Variants in ZDHHC14 observed in about 807,000 individuals in gnomAD.
The protein encoded by ZDHHC14 is zDHHC palmitoyltransferase 14, also known as palmitoyltransferase ZDHHC14.
ZDHHC14 carries 16 observed loss-of-function variants against 47.7 expected under a neutral mutation model. The ratio of observed to expected loss-of-function variants is 0.34; its 90% CI spans 0.23 to 0.51. ZDHHC14 has a LOEUF of 0.51. Among genes scored for constraint, ZDHHC14 ranks in the 20% least tolerant of loss-of-function variants. The pLI is 0.97. For missense variants in ZDHHC14, 515 were observed against 662.5 expected (o/e 0.78, Z 2.44); for synonymous variants, 293 against 278.9 (o/e 1.05, Z -0.50).
chr6:157,573,434 A>C (rs1356145623), intron 2 of ZDHHC14, among the ~76,000 whole-genome samples: 2 of 152,188 alleles, frequency 1.3e-5, no homozygotes, highest in African/African-American at 4.8e-5. Context: ...AGTAGAAAAA[A>C]ATTTGCCCAG....
chr6:157,441,593 C>T (rs1235268818), intron 1 of ZDHHC14, among the ~76,000 whole-genome samples: 3 of 152,134 alleles, frequency 2.0e-5, no homozygotes, highest in African/African-American at 7.2e-5. Flanking sequence ...AATCCCAGCA[C>T]TTTGGGAGGC....
At chr6:157,640,189 G>A (rs1455216658) in intron 5 of ZDHHC14, among the ~76,000 whole-genome samples, 1 of 152,202 alleles carries the variant, frequency 6.6e-6, no homozygotes, top group Non-Finnish European at 1.5e-5. Flanking sequence ...ATGTAATGTA[G>A]CATTAACATC....
chr6:157,543,204 G>A (rs144438220), intron 2 of ZDHHC14, among the ~76,000 whole-genome samples: 1,875 of 152,146 alleles, frequency 0.012, 40 homozygotes, highest in African/African-American at 0.044. Context: ...CTTTATTTAG[G>A]TATAATAAAC....
intron 1 of ZDHHC14, among the ~76,000 whole-genome samples, chr6:157,458,425 T>C (rs1030086935): frequency 2.6e-5 from 4 of 152,210 alleles, no homozygotes; most frequent in African/African-American, 7.2e-5. Context: ...CATTGCTTGA[T>C]ATAATCACAG....
At chr6:157,617,542 C>T (rs1474847188) in intron 3 of ZDHHC14, among the ~76,000 whole-genome samples, 1 of 152,160 alleles carries the variant, frequency 6.6e-6, no homozygotes, top group Non-Finnish European at 1.5e-5. Flanking sequence ...ATCCCAGAAA[C>T]GTATTTACTT....
intron 3 of ZDHHC14, among the ~76,000 whole-genome samples, chr6:157,601,783 T>C (rs755935406): frequency 6.6e-6 from 1 of 152,226 alleles, no homozygotes; most frequent in Non-Finnish European, 1.5e-5. Context: ...TCTGTGTGTA[T>C]GTGCATGTGT....
At chr6:157,642,848 G>C (rs778155171) in intron 5 of ZDHHC14, among the ~76,000 whole-genome samples, 1 of 152,212 alleles carries the variant, frequency 6.6e-6, no homozygotes, top group African/African-American at 2.4e-5. Context: ...ATCTGTATCT[G>C]AGTCTGAGAG....
At chr6:157,393,513 C>T (rs367946408) in intron 1 of ZDHHC14, among the ~76,000 whole-genome samples, 151 of 152,302 alleles carry the variant, frequency 9.9e-4, no homozygotes, top group African/African-American at 3.5e-3. Context: ...TAAATACCAG[C>T]GTCTATTGGA....
At chr6:157,628,581 G>C (rs1785532841) in intron 4 of ZDHHC14, 95 bp downstream of exon 4, 1 of 1,497,662 alleles carries the variant, frequency 6.7e-7, no homozygotes, top group African/African-American at 1.4e-5. Context: ...GTCATTTCGG[G>C]CTTTCTCTTT....
At chr6:157,546,860 G>A (rs113901674) in intron 2 of ZDHHC14, among the ~76,000 whole-genome samples, 4,325 of 152,268 alleles carry the variant, frequency 0.028, 211 homozygotes, top group African/African-American at 0.099. Flanking sequence ...CTTCCCACCC[G>A]TTCCACCGTC....
intron 1 of ZDHHC14, among the ~76,000 whole-genome samples, chr6:157,387,491 A>G (rs1311062173): frequency 3.3e-5 from 5 of 152,152 alleles, no homozygotes; most frequent in African/African-American, 1.2e-4. Flanking sequence ...ATAGGGTCTC[A>G]TCGGTTTTTT....
At chr6:157,619,788 CA>C (rs1417596454) in intron 3 of ZDHHC14, among the ~76,000 whole-genome samples, 6 of 152,024 alleles carry the variant, frequency 3.9e-5, no homozygotes, top group South Asian at 2.1e-4. Flanking sequence ...GACTCAAAAC[CA>C]GAAGAATTCA....
intron 1 of ZDHHC14, among the ~76,000 whole-genome samples, chr6:157,471,925 C>T (rs1432305927): frequency 1.3e-5 from 2 of 152,198 alleles, no homozygotes; most frequent in African/African-American, 4.8e-5. Flanking sequence ...GTGCCTGGCA[C>T]CGGGTGAAAC....
chr6:157,534,627 TG>T (rs1387790524), intron 1 of ZDHHC14, among the ~76,000 whole-genome samples: 2 of 151,862 alleles, frequency 1.3e-5, no homozygotes, highest in Non-Finnish European at 2.9e-5. Flanking sequence ...CTGGCTCTGT[TG>T]CCCAGGCTGG....
At chr6:157,441,297 C>T (rs1778556103) in intron 1 of ZDHHC14, among the ~76,000 whole-genome samples, 1 of 152,206 alleles carries the variant, frequency 6.6e-6, no homozygotes, top group Admixed American at 6.5e-5. Flanking sequence ...GAGACGAGAG[C>T]TCTTCAGCTA....
chr6:157,578,149 G>C (rs1246222066), intron 2 of ZDHHC14, among the ~76,000 whole-genome samples: 3 of 152,044 alleles, frequency 2.0e-5, no homozygotes, highest in African/African-American at 4.8e-5. Flanking sequence ...TAGGTTGTCT[G>C]TTTAGTCTGT....
chr6:157,384,797 A>G (rs1413503459), intron 1 of ZDHHC14, among the ~76,000 whole-genome samples: 1 of 152,224 alleles, frequency 6.6e-6, no homozygotes, highest in African/African-American at 2.4e-5. Context: ...ATACAGAGGA[A>G]GAAAATACCA....
chr6:157,484,429 TAC>T (rs1239458107), intron 1 of ZDHHC14, among the ~76,000 whole-genome samples: 2 of 145,792 alleles, frequency 1.4e-5, no homozygotes, highest in African/African-American at 5.1e-5. Context: ...TACATATATA[TAC>T]GTATATATAC....
At chr6:157,515,457 CT>C (rs1187323622) in intron 1 of ZDHHC14, among the ~76,000 whole-genome samples, 24,500 of 129,422 alleles carry the variant, frequency 0.19, 2,192 homozygotes, top group African/African-American at 0.25. Context: ...TTTTCTTTTT[CT>C]TTTTTTTTTT....
Sources: allele counts gnomAD v4.1 joint callset (sites outside exome capture counted in the v4.1 genomes callset), GRCh38; gene constraint gnomAD v4.1.1; transcripts MANE v1.5; gene names NCBI Gene and HGNC (gene_info 2026-07-23, HGNC 2026-07-21).